The following CYREN variants were observed in gnomAD, a reference collection of about 807,000 sequenced individuals.
The protein encoded by CYREN is cell cycle regulator of NHEJ.
Under a neutral mutation model 9.7 loss-of-function variants are expected in CYREN, and 7 were observed. The ratio of observed to expected loss-of-function variants is 0.72; its 90% CI spans 0.41 to 1.36. The LOEUF (loss-of-function observed/expected upper bound fraction) is 1.36, where lower values mean the gene tolerates loss of function less well. CYREN is among the 40% of genes most tolerant of loss of function. The pLI is 0.01. For missense variants in CYREN, 215 were observed against 198.1 expected (o/e 1.09, Z -0.51); for synonymous variants, 76 against 77.9 (o/e 0.98, Z 0.13).
intron 2 of CYREN, among the ~76,000 whole-genome samples, chr7:135,096,624 G>GATA (rs1585088072): frequency 2.7e-5 from 4 of 147,932 alleles, no homozygotes; most frequent in South Asian, 2.2e-4. Flanking sequence ...TAGATAGATA[G>GATA]GGCTATTCTT....
intron 2 of CYREN, among the ~76,000 whole-genome samples, chr7:135,130,414 T>G (rs184173619): frequency 6.6e-6 from 1 of 152,276 alleles, no homozygotes; most frequent in African/African-American, 2.4e-5. Context: ...TCAGAAGAAT[T>G]TAAGTTCTAT....
chr7:135,134,421 T>A (rs1348177549), intron 2 of CYREN, among the ~76,000 whole-genome samples: 1 of 152,122 alleles, frequency 6.6e-6, no homozygotes, highest in Admixed American at 6.6e-5. Context: ...TCACGTTGAT[T>A]TTTTTACTGG....
intron 2 of CYREN, among the ~76,000 whole-genome samples, chr7:135,141,701 C>A (rs1829455839): frequency 6.6e-6 from 1 of 151,990 alleles, no homozygotes; most frequent in East Asian, 1.9e-4. Flanking sequence ...ACAAACTTTA[C>A]CCTCAATCCT....
downstream of CYREN, chr7:135,165,672 C>G (rs1466459794): frequency 1.2e-5 from 2 of 167,046 alleles, no homozygotes; most frequent in African/African-American, 2.4e-5. Context: ...TGATGAGACC[C>G]TGGAGGACTC....
Position 135,128,031 on chromosome 7 carries a change from C to T in CYREN, n.357-33449G>A, listed in dbSNP as rs184547836. ...GGGATCTGCCAGGCACGGTGGCTCACGCCTATAATCCCAGCTCTTTGGGAG... is the reference window on the plus strand; with the variant it reads ...GGGATCTGCCAGGCACGGTGGCTCATGCCTATAATCCCAGCTCTTTGGGAG... On this transcript the variant is annotated intron_variant and non_coding_transcript_variant, in intron 2 of 2. Transcript: ENST00000459937. Among the ~76,000 whole-genome samples the T allele has an allele frequency of 4.0e-3, 604 of 152,174 alleles. 10 individuals are homozygous for T. The highest frequency in any genetic ancestry group is 0.02 in the Middle Eastern group (6 of 294).
At chr7:135,127,867 C>T (rs1424907134) in intron 2 of CYREN, among the ~76,000 whole-genome samples, 2 of 152,196 alleles carry the variant, frequency 1.3e-5, no homozygotes, top group African/African-American at 2.4e-5. Flanking sequence ...TATAAAGACA[C>T]ATGCACACAT....
At chr7:135,161,693 C>T (rs140861694), downstream of CYREN, among the ~76,000 whole-genome samples, 125 of 152,298 alleles carry the variant, frequency 8.2e-4, 1 homozygote, top group Middle Eastern at 3.4e-3. This position sits in a 1 kb window ranked among gnomAD's most constrained non-coding sequence, Gnocchi z 4.1. Flanking sequence ...TAATTCCTTC[C>T]GTAACAAGCA....
At position 135,155,823 on chromosome 7, in the gene CYREN, G is replaced by T. The variant is rs563293841; in HGVS notation, n.356+12926C>A. Among the ~76,000 whole-genome samples, 98 of 152,280 alleles carry T rather than the reference G, an allele frequency of 6.4e-4. 1 individual carries two copies. The South Asian group carries it at 0.019, about 30-fold the overall frequency. On this transcript the variant is annotated intron_variant and non_coding_transcript_variant, in intron 2 of 2. Transcript: ENST00000459937. ...CTGTGATTGCACTACTGTATTCCAG[G>T]TTGAGTGACAAAGCAAGACCCTCTA...
At chr7:135,139,686 A>C (rs1162189502) in intron 2 of CYREN, among the ~76,000 whole-genome samples, 1 of 152,030 alleles carries the variant, frequency 6.6e-6, no homozygotes, top group Non-Finnish European at 1.5e-5. Flanking sequence ...GTTTTCTTCT[A>C]TGCTTTTTAT....
downstream of CYREN, chr7:135,164,565 C>T: frequency 1.2e-6 from 2 of 1,614,218 alleles, no homozygotes; most frequent in Non-Finnish European, 1.7e-6. Context: ...CCTCACTGAC[C>T]TGCCCAACCT....
At position 135,152,004 on chromosome 7, in the gene CYREN, G is replaced by GGGC. The variant is rs1829676804; in HGVS notation, n.356+16742_356+16744dup. ...CTCACCACTGTCAGGCTGGTAGCCT[G>GGGC]GGCTTAACTTCTCTGAGCCTCAGTT... On this transcript the variant is annotated intron_variant and non_coding_transcript_variant, in intron 2 of 2. Coordinates refer to the CYREN transcript ENST00000459937. Among the ~76,000 whole-genome samples, 3 of 152,282 alleles carry GGGC rather than the reference G, an allele frequency of 2.0e-5. No homozygotes were observed. In the South Asian group the frequency reaches 6.2e-4, roughly 32 times the overall value.
intron 2 of CYREN, among the ~76,000 whole-genome samples, chr7:135,119,667 G>A (rs942416186): frequency 5.9e-5 from 9 of 152,048 alleles, no homozygotes; most frequent in Non-Finnish European, 1.2e-4. Context: ...CACGAGTTCA[G>A]GAGATCAAGA....
intron 2 of CYREN, among the ~76,000 whole-genome samples, chr7:135,129,969 A>G (rs1490070931): frequency 1.3e-5 from 2 of 152,212 alleles, no homozygotes; most frequent in African/African-American, 4.8e-5. Flanking sequence ...GAATAGTTAA[A>G]AATTAAATAT....
intron 2 of CYREN, among the ~76,000 whole-genome samples, chr7:135,142,246 T>A (rs888407627): frequency 1.3e-5 from 2 of 152,180 alleles, no homozygotes; most frequent in Admixed American, 6.5e-5. Context: ...CATAAACAGA[T>A]AATGTAAACT....
chr7:135,164,350 C>G (rs755305107), downstream of CYREN: 1 of 1,287,670 alleles, frequency 7.8e-7, no homozygotes, highest in Non-Finnish European at 1.1e-6. Context: ...AAAGGGAGAA[C>G]ATGAGCTTGT....
chr7:135,092,344 T>C (rs1156623650), downstream of CYREN: 2 of 152,232 alleles, frequency 1.3e-5, no homozygotes, highest in Non-Finnish European at 2.9e-5. Flanking sequence ...TATAGCTACA[T>C]AAAATTTTGT....
At chr7:135,168,693 G>A in intron 2 of CYREN, 93 bp downstream of exon 2, 1 of 1,515,158 alleles carries the variant, frequency 6.6e-7, no homozygotes, top group Non-Finnish European at 8.8e-7. Context: ...CCATCTTGCT[G>A]TTCTGCCTAG....
intron 2 of CYREN, among the ~76,000 whole-genome samples, chr7:135,141,892 G>A (rs1829459184): frequency 1.3e-5 from 2 of 151,990 alleles, no homozygotes; most frequent in South Asian, 4.2e-4. Context: ...TACTTTTATT[G>A]TGCTTTATTC....
exon 3 of CYREN, chr7:135,094,239 T>C (rs1376172503): frequency 2.6e-6 from 1 of 380,906 alleles, no homozygotes; most frequent in East Asian, 7.2e-5. Flanking sequence ...TTCCTGTCCT[T>C]ACAACAACAA....
Sources: gnomAD v4.1 joint callset for allele counts (sites outside exome capture counted in the v4.1 genomes callset) on GRCh38, gnomAD v4.1.1 for gene constraint, Gnocchi (gnomAD v3.1) non-coding constraint, MANE v1.5 for transcripts, NCBI Gene and HGNC (gene_info 2026-07-23, HGNC 2026-07-21) for gene names.